LRRC28: variants seen among roughly 807,000 people sequenced by gnomAD.
The protein encoded by LRRC28 is leucine rich repeat containing 28, also known as leucine-rich repeat-containing protein 28.
Under a neutral mutation model 45.7 loss-of-function variants are expected in LRRC28, and 39 were observed. The observed-to-expected ratio is 0.85, with a 90% CI of 0.66 to 1.12. The LOEUF (loss-of-function observed/expected upper bound fraction) is 1.12. LRRC28 is among the 50% of genes most tolerant of loss of function. LRRC28 has a pLI of 0.00. For synonymous variants in LRRC28, 206 were observed against 178.8 expected (o/e 1.15, Z -1.22); for missense variants, 435 against 438.5 (o/e 0.99, Z 0.07).
chr15:99,318,034 G>A (rs890111678), intron 5 of LRRC28, among the ~76,000 whole-genome samples: 1 of 152,086 alleles, frequency 6.6e-6, no homozygotes, highest in Non-Finnish European at 1.5e-5. Flanking sequence ...TGCAAAGATT[G>A]GGAATAAACA....
chr15:99,259,804 C>G, intron 2 of LRRC28: 2 of 968,520 alleles, frequency 2.1e-6, no homozygotes, highest in Non-Finnish European at 3.4e-6. Flanking sequence ...GTCAGGATGT[C>G]TTTTACCAGA....
At chr15:99,254,634 CT>C (rs2080963374) in intron 1 of LRRC28, among the ~76,000 whole-genome samples, 1 of 152,218 alleles carries the variant, frequency 6.6e-6, no homozygotes, top group Admixed American at 6.5e-5. Context: ...AGAACCCAAG[CT>C]TTGAAATCCA....
chr15:99,301,240 A>G (rs1194379924), intron 5 of LRRC28, among the ~76,000 whole-genome samples: 8 of 152,228 alleles, frequency 5.3e-5, no homozygotes, highest in Non-Finnish European at 1.2e-4. Context: ...TATATTAAAT[A>G]TAGACTATAG....
chr15:99,377,444 C>T (rs1231104750), intron 9 of LRRC28, among the ~76,000 whole-genome samples: 2 of 152,082 alleles, frequency 1.3e-5, no homozygotes, highest in Admixed American at 1.3e-4. Flanking sequence ...GGATGTTAGC[C>T]CTTTGCCAGA....
At chr15:99,384,401 A>G (rs1347407401) in intron 9 of LRRC28, 1 of 152,218 alleles carries the variant, frequency 6.6e-6, no homozygotes, top group Admixed American at 6.5e-5. Flanking sequence ...ACCTTAGCAT[A>G]AGAGACTTAG....
At chr15:99,276,037 C>G (rs771916418) in intron 2 of LRRC28, among the ~76,000 whole-genome samples, 1 of 152,002 alleles carries the variant, frequency 6.6e-6, no homozygotes, top group Non-Finnish European at 1.5e-5. Context: ...ATAGCACAAA[C>G]CCTATTGTGA....
rs773105301 is a variant in LRRC28 at position 99,363,095 on chromosome 15, T to C, written c.872-11T>C. ...TTTTACTCGTGTGCGTGATTTTCTT[T>C]TGTGTTCCAGATTTGAACTTTCTGT... On this transcript the variant is annotated splice_polypyrimidine_tract_variant and intron_variant, in intron 8 of 9. Coordinates refer to ENST00000301981, the MANE Select transcript of LRRC28 (RefSeq NM_144598.5). The C allele has an allele frequency of 5.6e-6, 9 of 1,597,472 alleles. No homozygotes were observed. In the East Asian group the frequency reaches 1.8e-4, roughly 32 times the overall value.
intron 5 of LRRC28, among the ~76,000 whole-genome samples, chr15:99,288,503 T>C (rs1489416471): frequency 6.7e-6 from 1 of 149,340 alleles, no homozygotes; most frequent in African/African-American, 2.5e-5. Flanking sequence ...TGCCTCAGCC[T>C]CCTGAGTAGC....
chr15:99,264,404 T>C (rs1450155769), intron 2 of LRRC28, among the ~76,000 whole-genome samples: 1 of 152,134 alleles, frequency 6.6e-6, no homozygotes, highest in Admixed American at 6.5e-5. Context: ...GGGGTGGAAC[T>C]TGGAACTAGA....
At chr15:99,343,369 G>T (rs1042337778) in intron 6 of LRRC28, among the ~76,000 whole-genome samples, 1 of 152,172 alleles carries the variant, frequency 6.6e-6, no homozygotes, top group East Asian at 1.9e-4. Context: ...AAGGGCAGTA[G>T]CCTGAATACA....
Position 99,387,648 on chromosome 15 carries a change from G to C in LRRC28, c.*1546G>C, listed in dbSNP as rs377459712. ...AAGGATGGCATTTTAATGTTGCTTT[G>C]CTGCCAGATGTTCATCTGCTTGCTG... On this transcript the variant is annotated 3_prime_UTR_variant, in exon 10 of 10. Transcript: ENST00000301981. The C allele has an allele frequency of 1.3e-4, 20 of 152,218 alleles. No homozygotes were observed. The highest frequency in any genetic ancestry group is 4.6e-4 in the African/African-American group (19 of 41,504). 9.4% of individuals were successfully genotyped at this position (152,218 alleles called of 1,614,324 possible).
intron 4 of LRRC28, 135 bp from the exon 5 acceptor site, chr15:99,287,679 G>C: frequency 1.1e-6 from 1 of 890,520 alleles, no homozygotes. Context: ...AGTTTGATCT[G>C]TGTTTTTACT....
At chr15:99,343,505 A>G (rs980572291) in intron 6 of LRRC28, among the ~76,000 whole-genome samples, 2 of 152,220 alleles carry the variant, frequency 1.3e-5, no homozygotes, top group African/African-American at 4.8e-5. Context: ...TTTCTAAGTC[A>G]GAAACTTTGA....
chr15:99,255,903 G>T lies in LRRC28; in HGVS notation c.-55G>T. The T allele has an allele frequency of 1.3e-6, 2 of 1,518,212 alleles. No individual in the cohort carries two copies. The highest frequency in any genetic ancestry group is 1.3e-5 in the South Asian group (1 of 76,148). The allele number at this position is 1,518,212 out of a possible 1,614,324, so 94.0% of individuals were successfully genotyped here. ...TTTTCTCGTTCTCTTTATAGAAATG[G>T]ACCAATTTTGACAAGATATAGTGCT... On this transcript the variant is annotated 5_prime_UTR_variant, in exon 2 of 10. Coordinates refer to ENST00000301981, the MANE Select transcript of LRRC28 (RefSeq NM_144598.5).
intron 3 of LRRC28, 24 bp from the exon 4 acceptor site, chr15:99,287,233 G>GT (rs142398124): frequency 7.1e-5 from 111 of 1,559,354 alleles, no homozygotes; most frequent in Admixed American, 2.7e-4. Context: ...GATAATGGCT[G>GT]TTTTTTTTCT....
chr15:99,360,276 A>G (rs566764796), intron 7 of LRRC28, among the ~76,000 whole-genome samples: 1 of 151,948 alleles, frequency 6.6e-6, no homozygotes, highest in Non-Finnish European at 1.5e-5. Flanking sequence ...ACACATTTCC[A>G]TTTATTCCAG....
intron 5 of LRRC28, among the ~76,000 whole-genome samples, chr15:99,318,398 T>A (rs1056670100): frequency 6.6e-6 from 1 of 152,070 alleles, no homozygotes; most frequent in Non-Finnish European, 1.5e-5. Flanking sequence ...GGAATCCCAA[T>A]GTGTGTGAGG....
At chr15:99,372,216 A>G (rs1044975718) in intron 9 of LRRC28, among the ~76,000 whole-genome samples, 1 of 152,202 alleles carries the variant, frequency 6.6e-6, no homozygotes, top group Non-Finnish European at 1.5e-5. Flanking sequence ...TGTGGGCTCC[A>G]ATATGTGCCA....
intron 5 of LRRC28, among the ~76,000 whole-genome samples, chr15:99,328,415 T>C (rs1956054697): frequency 6.6e-6 from 1 of 152,184 alleles, no homozygotes; most frequent in Admixed American, 6.5e-5. Flanking sequence ...ATTTTGGTTT[T>C]ACCAGGATAG....
Sources: allele counts gnomAD v4.1 joint callset (sites outside exome capture counted in the v4.1 genomes callset), GRCh38; gene constraint gnomAD v4.1.1; transcripts MANE v1.5; gene names NCBI Gene and HGNC (gene_info 2026-07-23, HGNC 2026-07-21).